Variants in CTNNA2 observed in about 807,000 individuals in gnomAD.
CTNNA2 encodes the protein catenin alpha 2.
CTNNA2 carries 42 observed loss-of-function variants against 101.0 expected under a neutral mutation model. The ratio of observed to expected loss-of-function variants is 0.42; its 90% confidence interval spans 0.32 to 0.54. The LOEUF (loss-of-function observed/expected upper bound fraction) is 0.54, where lower values mean the gene tolerates loss of function less well. Among genes scored for constraint, CTNNA2 ranks in the 20% least tolerant of loss-of-function variants. The pLI is 0.14. For synonymous variants in CTNNA2, 450 were observed against 456.4 expected, an observed-to-expected ratio of 0.99 and a Z score of 0.18; for missense variants, 871 against 1,223.1, an observed-to-expected ratio of 0.71 and a Z score of 4.29.
At chr2:79,218,675 A>G (rs1224007220) in intron 2 of CTNNA2, among the ~76,000 whole-genome samples, 1 of 152,208 alleles carries the variant, frequency 6.6e-6, no homozygotes, top group East Asian at 1.9e-4. Flanking sequence ...AGGGAGGATC[A>G]GAGACCACCA....
intron 7 of CTNNA2, among the ~76,000 whole-genome samples, chr2:79,984,026 A>G (rs1574471778): frequency 6.6e-6 from 1 of 152,302 alleles, no homozygotes; most frequent in East Asian, 1.9e-4. Flanking sequence ...TCATTACTCC[A>G]AAACCTCGGT....
intron 5 of CTNNA2, among the ~76,000 whole-genome samples, chr2:79,872,628 G>A (rs1013236520): frequency 2.2e-4 from 34 of 152,020 alleles, no homozygotes; most frequent in African/African-American, 8.0e-4. Context: ...AAGCAAAGGG[G>A]GAAAAAGATG....
At chr2:80,482,792 C>G (rs1223194205) in intron 9 of CTNNA2, among the ~76,000 whole-genome samples, 2 of 152,080 alleles carry the variant, frequency 1.3e-5, no homozygotes, top group Non-Finnish European at 2.9e-5. Flanking sequence ...GAAAAACATG[C>G]AAAGATCTGG....
At chr2:79,534,772 G>T (rs1029832974) in intron 1 of CTNNA2, among the ~76,000 whole-genome samples, 1 of 151,782 alleles carries the variant, frequency 6.6e-6, no homozygotes, top group African/African-American at 2.4e-5. Context: ...CTTCAGCTGT[G>T]TTTTATATAG....
At chr2:79,312,294 ATTC>A (rs1379719538) in intron 2 of CTNNA2, among the ~76,000 whole-genome samples, 1 of 152,192 alleles carries the variant, frequency 6.6e-6, no homozygotes, top group Non-Finnish European at 1.5e-5. Context: ...TTGGCCAGTC[ATTC>A]TTCTGCAGTT....
intron 7 of CTNNA2, among the ~76,000 whole-genome samples, chr2:80,157,701 T>C (rs943764354): frequency 6.6e-6 from 1 of 152,130 alleles, no homozygotes; most frequent in East Asian, 1.9e-4. Context: ...GAATGTTTAA[T>C]GCAACCACAG....
At chr2:79,808,759 GT>G (rs1480013771) in intron 3 of CTNNA2, among the ~76,000 whole-genome samples, 1 of 150,632 alleles carries the variant, frequency 6.6e-6, no homozygotes, top group African/African-American at 2.5e-5. Flanking sequence ...CAAGGTTAAT[GT>G]TTTTATAAAT....
intron 9 of CTNNA2, among the ~76,000 whole-genome samples, chr2:80,528,002 A>T (rs1481703745): frequency 6.6e-6 from 1 of 152,208 alleles, no homozygotes; most frequent in African/African-American, 2.4e-5. Flanking sequence ...AAATTTATGA[A>T]TAACAGAAAT....
At chr2:79,305,906 C>T (rs1676229606) in intron 2 of CTNNA2, among the ~76,000 whole-genome samples, 1 of 151,828 alleles carries the variant, frequency 6.6e-6, no homozygotes, top group Admixed American at 6.6e-5. Context: ...ATTAGCTGGG[C>T]ATGGTGGCGG....
At chr2:79,283,485 A>G (rs1675461369) in intron 2 of CTNNA2, among the ~76,000 whole-genome samples, 2 of 124,684 alleles carry the variant, frequency 1.6e-5, no homozygotes, top group Admixed American at 8.7e-5. Flanking sequence ...ATGGCTAGCC[A>G]GTTTTCCCAG....
chr2:80,380,235 A>G (rs911132023), intron 7 of CTNNA2, among the ~76,000 whole-genome samples: 15 of 151,714 alleles, frequency 9.9e-5, no homozygotes, highest in African/African-American at 3.6e-4. Flanking sequence ...ACGGGGTTTC[A>G]CCGTGTTAGC....
chr2:79,391,940 A>G (rs1239610995), intron 4 of CTNNA2, among the ~76,000 whole-genome samples: 3 of 151,964 alleles, frequency 2.0e-5, no homozygotes, highest in Non-Finnish European at 4.4e-5. Flanking sequence ...GCATCCTCAC[A>G]CATAATCATT....
In CTNNA2 at chr2:80,608,304, C is replaced by T. The variant is rs774077104; in HGVS notation, c.2416C>T (p.Leu806Phe). The T allele has an allele frequency of 3.1e-6, 5 of 1,609,268 alleles. No individual in the cohort carries two copies. The highest frequency in any genetic ancestry group is 4.2e-6 in the Non-Finnish European group (5 of 1,176,748). The change falls in exon 17 of 19, where the codon CTC (leucine) becomes TTC (phenylalanine). Residue 806 changes from leucine (L) to phenylalanine (F), a missense_variant. By Grantham distance (22) the Leu-to-Phe change is conservative (BLOSUM62 0). Transcript: ENST00000402739. Reference sequence around the variant, plus strand: ...AGAAGTGCAGAATCTGGGAGGAGAGCTCATTGTGTCAGGGGTAAGCTGGAC... The same window carrying T: ...AGAAGTGCAGAATCTGGGAGGAGAGTTCATTGTGTCAGGGGTAAGCTGGAC... ...KAEVQNLGGE[L>F]IVSGTGVQST...
intron 7 of CTNNA2, among the ~76,000 whole-genome samples, chr2:80,307,160 G>T (rs895724564): frequency 1.3e-5 from 2 of 151,044 alleles, no homozygotes; most frequent in Non-Finnish European, 2.9e-5. Flanking sequence ...CTCTAATGTG[G>T]CAAGTTTGCA....
At chr2:80,578,146 A>C (rs1326208782) in intron 13 of CTNNA2, among the ~76,000 whole-genome samples, 1 of 152,176 alleles carries the variant, frequency 6.6e-6, no homozygotes, top group Non-Finnish European at 1.5e-5. Context: ...AATGGGCACA[A>C]GTTAATCTCA....
intron 3 of CTNNA2, among the ~76,000 whole-genome samples, chr2:79,835,590 T>C (rs1473888702): frequency 1.3e-5 from 2 of 151,494 alleles, no homozygotes; most frequent in Admixed American, 6.6e-5. Flanking sequence ...CTGTGTGTCC[T>C]TGAGAGAGTG....
At chr2:80,119,986 C>G (rs991774376) in intron 7 of CTNNA2, among the ~76,000 whole-genome samples, 2 of 152,170 alleles carry the variant, frequency 1.3e-5, no homozygotes, top group Non-Finnish European at 1.5e-5. Flanking sequence ...GACTGAAGTG[C>G]CCATTACCCA....
At chr2:80,116,832 G>T (rs549959744) in intron 7 of CTNNA2, among the ~76,000 whole-genome samples, 1 of 151,860 alleles carries the variant, frequency 6.6e-6, no homozygotes, top group Non-Finnish European at 1.5e-5. Flanking sequence ...GACAAGGTGT[G>T]TAGATACAAC....
intron 1 of CTNNA2, among the ~76,000 whole-genome samples, chr2:79,569,670 A>G (rs923007257): frequency 1.3e-5 from 2 of 152,164 alleles, no homozygotes; most frequent in Admixed American, 6.6e-5. Flanking sequence ...TAAGTGTGGT[A>G]TTTGCACTGG....
Sources: allele counts gnomAD v4.1 joint callset (sites outside exome capture counted in the v4.1 genomes callset), GRCh38; gene constraint gnomAD v4.1.1; transcripts MANE v1.5; gene names NCBI Gene and HGNC (gene_info 2026-07-23, HGNC 2026-07-21).